SCNN1B: variants seen among roughly 807,000 people sequenced by gnomAD.
The protein encoded by SCNN1B is sodium channel epithelial 1 subunit beta, also known as epithelial sodium channel subunit beta.
In SCNN1B, 46 loss-of-function variants were observed where a neutral mutation model predicts 65.3. The ratio of observed to expected loss-of-function variants is 0.70; its 90% CI spans 0.56 to 0.90. The LOEUF (loss-of-function observed/expected upper bound fraction) is 0.90. SCNN1B is among the 40% of genes least tolerant of loss of function. The pLI, the probability that SCNN1B is intolerant of heterozygous loss-of-function variation, is 0.00. For missense variants in SCNN1B, 751 were observed against 830.5 expected (o/e 0.90, Z 1.18); for synonymous variants, 349 against 330.6 (o/e 1.06, Z -0.60).
intron 1 of SCNN1B, among the ~76,000 whole-genome samples, chr16:23,309,870 A>G (rs1961303938): frequency 6.6e-6 from 1 of 152,210 alleles, no homozygotes; most frequent in Non-Finnish European, 1.5e-5. Context: ...GCCTGTTCCT[A>G]GAAGCTCCTC....
intron 1 of SCNN1B, among the ~76,000 whole-genome samples, chr16:23,346,634 C>T (rs568096010): frequency 2.6e-5 from 4 of 151,996 alleles, no homozygotes; most frequent in Admixed American, 1.3e-4. Flanking sequence ...CAAGCCCTTG[C>T]GTGGCCTGGC....
chr16:23,280,287 C>T (rs1371533555), intron 1 of SCNN1B, among the ~76,000 whole-genome samples: 2 of 151,622 alleles, frequency 1.3e-5, no homozygotes, highest in South Asian at 2.1e-4. Context: ...TGCAGTGGAA[C>T]GATCACAGTT....
rs1275410846 is a variant in SCNN1B, at chr16:23,355,315, C to A, written c.602C>A (p.Thr201Asn). The A allele has an allele frequency of 9.9e-6, 16 of 1,614,068 alleles. No homozygotes were observed. Among genetic ancestry groups the A allele is most frequent in the Non-Finnish European group, 1.4e-5 (16 of 1,180,038 alleles). The change falls in exon 4 of 13, where the codon ACC becomes AAC. Residue 201 changes from threonine (T) to asparagine (N), a missense_variant. By Grantham distance (65) the Thr-to-Asn change is moderately conservative. Transcript: ENST00000343070. ...CCTCCACAGTGTAGCCTCAACAGGACCCAGTGTACCTTCCGGAACTTCACC... is the reference window on the plus strand; with the variant it reads ...CCTCCACAGTGTAGCCTCAACAGGAACCAGTGTACCTTCCGGAACTTCACC... ...MAMRLCSLNR[T>N]QCTFRNFTSA...
At position 23,367,925 on chromosome 16, in the gene SCNN1B, G is replaced by A. The variant is rs747059221; in HGVS notation, c.846G>A (p.Lys282=). The A allele has an allele frequency of 6.8e-6, 11 of 1,614,226 alleles. No individual in the cohort carries two copies. The East Asian group carries it at 2.5e-4, about 36-fold the overall frequency. Residue 282 remains lysine, a synonymous_variant, in exon 5 of 13, where the codon AAG becomes AAA. Transcript: ENST00000343070. ...TCTTCAACTGGGGCATGACAGAGAA[G>A]GCACTTCCTTCGGCCAACCCTGGAA... ...CYIFNWGMTE[K]ALPSANPGTE... is the part of the protein sequence containing the mutation.
intron 10 of SCNN1B, among the ~76,000 whole-genome samples, chr16:23,378,207 G>A (rs755523776): frequency 3.3e-5 from 5 of 152,036 alleles, no homozygotes; most frequent in South Asian, 2.1e-4. Flanking sequence ...ATGGAGTCTC[G>A]CTATGTTGCC....
chr16:23,357,989 A>T (rs1338715852), intron 4 of SCNN1B, among the ~76,000 whole-genome samples: 1 of 152,232 alleles, frequency 6.6e-6, no homozygotes, highest in Non-Finnish European at 1.5e-5. Context: ...CTCAGTGAGA[A>T]CACGCCCAGG....
intron 1 of SCNN1B, among the ~76,000 whole-genome samples, chr16:23,313,791 T>A (rs554573197): frequency 6.6e-6 from 1 of 152,214 alleles, no homozygotes; most frequent in Admixed American, 6.5e-5. Flanking sequence ...TTTGTATTTT[T>A]AGTAGAGACA....
intron 1 of SCNN1B, among the ~76,000 whole-genome samples, chr16:23,317,524 G>A (rs1423807951): frequency 6.6e-6 from 1 of 152,158 alleles, no homozygotes; most frequent in African/African-American, 2.4e-5. Context: ...TGTGGAACAG[G>A]GTCGAGAGTT....
intron 5 of SCNN1B, among the ~76,000 whole-genome samples, chr16:23,370,922 G>T (rs1962768336): frequency 6.6e-6 from 1 of 152,256 alleles, no homozygotes; most frequent in Non-Finnish European, 1.5e-5. Context: ...ATTTGCAAAG[G>T]CATAGCAGGA....
chr16:23,295,043 TG>T (rs1025284581), intron 2 of SCNN1B, among the ~76,000 whole-genome samples: 1 of 152,106 alleles, frequency 6.6e-6, no homozygotes, highest in Non-Finnish European at 1.5e-5. Flanking sequence ...TCCTCTGGCC[TG>T]CATTTGTTTT....
At chr16:23,365,386 A>G (rs367703425) in intron 4 of SCNN1B, among the ~76,000 whole-genome samples, 11 of 149,788 alleles carry the variant, frequency 7.3e-5, no homozygotes, top group African/African-American at 2.5e-4. Flanking sequence ...GAAGGGAGGA[A>G]GGAAGGAAAA....
chr16:23,303,670 C>G (rs538025803), intron 1 of SCNN1B, among the ~76,000 whole-genome samples: 2 of 151,760 alleles, frequency 1.3e-5, no homozygotes, highest in Non-Finnish European at 1.5e-5. Context: ...ATGATGCAAC[C>G]CTTGGGAGGC....
rs186270883 is a variant in SCNN1B at position 23,348,376 on chromosome 16, A to G, written c.-8-216A>G. Among the ~76,000 whole-genome samples, 8 of 150,750 alleles carry G rather than the reference A, an allele frequency of 5.3e-5. No homozygotes were observed. The East Asian group carries it at 1.4e-3, about 26-fold the overall frequency. ...GTGCCTGGCATATAGTAGGCATTCAATAAATGCATTTTGGTTGATTAGATG... is the reference window on the plus strand; with the variant it reads ...GTGCCTGGCATATAGTAGGCATTCAGTAAATGCATTTTGGTTGATTAGATG... On this transcript the variant is annotated intron_variant, in intron 1 of 12. Transcript: ENST00000343070. This position sits in a 1 kb window ranked among gnomAD's most constrained non-coding sequence, Gnocchi z 4.5.
Position 23,380,936 on chromosome 16 carries a change from G to A in SCNN1B, c.*135G>A, listed in dbSNP as rs917107400. On this transcript the variant is annotated 3_prime_UTR_variant, in exon 13 of 13. Coordinates refer to ENST00000343070, the MANE Select transcript of SCNN1B (RefSeq NM_000336.3). This position sits in a 1 kb window ranked among gnomAD's most constrained non-coding sequence, Gnocchi z 5.4. ...AGGCCAGAGCTTGTGTCCTTCAACAGAGAGGCCAGCGGCAACTGGTCCGTT... is the reference window on the plus strand; with the variant it reads ...AGGCCAGAGCTTGTGTCCTTCAACAAAGAGGCCAGCGGCAACTGGTCCGTT... The A allele has an allele frequency of 3.1e-6, 3 of 969,740 alleles. No individual in the cohort carries two copies. The highest frequency in any genetic ancestry group is 4.9e-6 in the Non-Finnish European group (3 of 607,110). 60.1% of individuals were successfully genotyped at this position (969,740 alleles called of 1,614,324 possible). A position where few individuals can be genotyped will look rare whatever the true frequency, so the allele number is the denominator to read the frequency against.
intron 2 of SCNN1B, among the ~76,000 whole-genome samples, chr16:23,290,899 G>A (rs967650606): frequency 6.6e-6 from 1 of 152,086 alleles, no homozygotes; most frequent in Non-Finnish European, 1.5e-5. Flanking sequence ...ACAATTGTCT[G>A]AAAGACTTGG....
rs774130659 is a variant in SCNN1B, at chr16:23,371,817, C to T, written c.1086C>T (p.Thr362=). Reference sequence around the variant, plus strand: ...TGGGGGAGCCCTACAGCCCGTGCACCGTGAATGGTTCTGAGGTCCCCGTCC... The same window carrying T: ...TGGGGGAGCCCTACAGCCCGTGCACTGTGAATGGTTCTGAGGTCCCCGTCC... The part of the protein sequence containing the change: ...QRMGEPYSPC[T]VNGSEVPVQN... The change falls in exon 7 of 13, where the codon ACC becomes ACT. Residue 362 remains threonine (T), a synonymous_variant. Coordinates refer to ENST00000343070, the MANE Select transcript of SCNN1B (RefSeq NM_000336.3). The T allele has an allele frequency of 3.7e-6, 6 of 1,614,098 alleles. No homozygotes were observed. The East Asian group carries it at 6.7e-5, about 18-fold the overall frequency.
chr16:23,371,859 C>G lies in SCNN1B; in HGVS notation c.1128C>G (p.Asp376Glu). ...SEVPVQNFYS[D>E]YNTTYSIQAC... The stretch of plus-strand genomic sequence containing the variant: ...TCCCCGTCCAAAACTTCTACAGTGA[C>G]TACAACACGACCTACTCCATCCAGG... The change falls in exon 7 of 13, where the codon GAC becomes GAG. Residue 376 changes from aspartate (D) to glutamate (E), a missense_variant. Physicochemically the swap from Asp to Glu is conservative, Grantham distance 45. Coordinates refer to ENST00000343070, the MANE Select transcript of SCNN1B (RefSeq NM_000336.3). 6.2e-7 allele frequency: 1 copy of G among 1,613,850 alleles called. No individual in the cohort carries two copies. The highest frequency in any genetic ancestry group is 8.5e-7 in the Non-Finnish European group (1 of 1,179,664).
At chr16:23,356,771 C>T (rs1173569993) in intron 4 of SCNN1B, among the ~76,000 whole-genome samples, 1 of 152,118 alleles carries the variant, frequency 6.6e-6, no homozygotes, top group African/African-American at 2.4e-5. Context: ...TTGCAATTGA[C>T]CCACAGATTC....
Position 23,305,581 on chromosome 16 carries a change from A to ATATATAAATAT in SCNN1B, c.-9+3150_-9+3151insAATATTATATA, listed in dbSNP as rs1961198513. Among the ~76,000 whole-genome samples the ATATATAAATAT allele has an allele frequency of 7.5e-4, 25 of 33,412 alleles. 1 individual carries two copies. Among genetic ancestry groups the ATATATAAATAT allele is most frequent in the Non-Finnish European group, 9.8e-4 (20 of 20,336 alleles). 21.9% of individuals were successfully genotyped at this position (33,412 alleles called of 152,430 possible). ...ATATATATATATATATATATATTAT[A>ATATATAAATAT]TATATATATATATATATAACCTGGG... On this transcript the variant is annotated intron_variant, in intron 1 of 12. Coordinates refer to ENST00000343070, the MANE Select transcript of SCNN1B (RefSeq NM_000336.3).
Sources: allele counts gnomAD v4.1 joint callset (sites outside exome capture counted in the v4.1 genomes callset), GRCh38; gene constraint gnomAD v4.1.1; non-coding constraint Gnocchi (gnomAD v3.1); transcripts MANE v1.5; gene names NCBI Gene and HGNC (gene_info 2026-07-23, HGNC 2026-07-21).